The following ENSA variants were observed in gnomAD, a reference collection of about 807,000 sequenced individuals.
The protein encoded by ENSA is alpha-endosulfine.
Under a neutral mutation model 16.8 loss-of-function variants are expected in ENSA, and 7 were observed. That is an observed-to-expected ratio of 0.42 (90% CI 0.24 to 0.78). ENSA has a LOEUF of 0.78. Among genes scored for constraint, ENSA ranks in the 30% least tolerant of loss-of-function variants. The pLI, the probability that ENSA is intolerant of heterozygous loss-of-function variation, is 0.29. For synonymous variants in ENSA, 58 were observed against 53.4 expected (o/e 1.09, Z -0.37); for missense variants, 87 against 142.3 (o/e 0.61, Z 1.98).
At chr1:150,628,962 C>T in intron 1 of ENSA, 1 of 1,287,540 alleles carries the variant, frequency 7.8e-7, no homozygotes, top group Non-Finnish European at 1.1e-6. Context: ...TACACTTCTC[C>T]CCTCCCCCAA....
At chr1:150,625,339 G>A (rs1649224640) in intron 3 of ENSA, 22 of 1,075,352 alleles carry the variant, frequency 2.0e-5, no homozygotes, top group Non-Finnish European at 2.5e-5. Flanking sequence ...CCCAAAAGGA[G>A]AAATCACATC....
At chr1:150,627,721 C>T (rs1649449840) in intron 1 of ENSA, 129 bp from the exon 2 acceptor site, 2 of 970,886 alleles carry the variant, frequency 2.1e-6, no homozygotes, top group East Asian at 5.2e-5. Context: ...CTCTACTCTG[C>T]TGTTAAAGCT....
chr1:150,629,389 C>G (rs1263645389), intron 1 of ENSA, 25 bp downstream of exon 1: 2 of 1,608,452 alleles, frequency 1.2e-6, no homozygotes, highest in African/African-American at 1.3e-5. Context: ...CCCCAGCTCG[C>G]CCGCCCGCAC....
intron 1 of ENSA, chr1:150,628,858 TG>T (rs1649535278): frequency 1.7e-6 from 1 of 598,392 alleles, no homozygotes; most frequent in South Asian, 2.1e-5. Flanking sequence ...TCAATATTGC[TG>T]GGTCCTCACT....
In ENSA at chr1:150,629,447, CTCT is replaced by C. The variant is rs755805529; in HGVS notation, c.21_23del (p.Glu8del). ...CCTCGCCGGTCTCCTCCGCAGGGTT[CTCT>C]TCTTCTTGTTTCTGGGACATGGCGG... On this transcript the variant is annotated inframe_deletion, in exon 1 of 4. Transcript: ENST00000369014. The C allele has an allele frequency of 3.0e-5, 49 of 1,613,814 alleles. 1 individual carries two copies. The highest frequency in any genetic ancestry group is 1.1e-4 in the South Asian group (10 of 91,052).
At chr1:150,629,201 G>C in intron 1 of ENSA, 1 of 1,600,042 alleles carries the variant, frequency 6.2e-7, no homozygotes. Context: ...AGGCCTATTG[G>C]CCAATCAGGA....
chr1:150,623,709 G>C, intron 3 of ENSA: 1 of 985,760 alleles, frequency 1.0e-6, no homozygotes, highest in African/African-American at 1.7e-5. Flanking sequence ...ATACAATGGT[G>C]TTCAGCATTT....
chr1:150,624,897 C>T (rs1010696905), intron 3 of ENSA: 24 of 969,012 alleles, frequency 2.5e-5, no homozygotes, highest in Admixed American at 6.2e-5. Context: ...TATACAACAG[C>T]TCTGCTGGGA....
chr1:150,629,479 C>A lies in ENSA; in HGVS notation c.-9G>T, dbSNP rs376153418. 2.5e-6 allele frequency: 4 copies of A among 1,613,382 alleles called. No individual in the cohort carries two copies. In the South Asian group the frequency reaches 4.4e-5, roughly 18 times the overall value. ...TCTTGTTTCTGGGACATGGCGGGAC[C>A]GGGACTGTGGAGTGTAAGGGGCCCG... is the stretch of plus-strand genomic sequence containing the variant. On this transcript the variant is annotated 5_prime_UTR_variant, in exon 1 of 4. Transcript: ENST00000369014.
At chr1:150,623,607 G>T (rs1314260052) in intron 3 of ENSA, 9 of 984,094 alleles carry the variant, frequency 9.1e-6, no homozygotes, top group Non-Finnish European at 1.1e-5. Flanking sequence ...GAAGATCGGA[G>T]ATGAAGAAAA....
At chr1:150,625,518 C>G (rs1357134053) in intron 3 of ENSA, 124 bp downstream of exon 3, 1 of 1,423,394 alleles carries the variant, frequency 7.0e-7, no homozygotes, top group East Asian at 2.6e-5. Flanking sequence ...CAGCCCCCAG[C>G]AGAATCACAG....
intron 1 of ENSA, chr1:150,628,858 T>G: frequency 1.7e-6 from 1 of 598,510 alleles, no homozygotes; most frequent in Non-Finnish European, 3.0e-6. Flanking sequence ...TCAATATTGC[T>G]GGGTCCTCAC....
chr1:150,622,886 A>C, intron 3 of ENSA, 27 bp from the exon 4 acceptor site: 1 of 1,547,240 alleles, frequency 6.5e-7, no homozygotes. Context: ...AAGAAAAAAA[A>C]AAAAAACAAC....
chr1:150,623,479 C>T (rs1372321844), intron 3 of ENSA: 1 of 985,626 alleles, frequency 1.0e-6, no homozygotes, highest in Non-Finnish European at 1.2e-6. Context: ...TTCTGATTTC[C>T]CTGCTCCTCC....
chr1:150,626,024 T>C (rs1261328353), intron 2 of ENSA, among the ~76,000 whole-genome samples: 3 of 152,230 alleles, frequency 2.0e-5, no homozygotes, highest in Non-Finnish European at 4.4e-5. Flanking sequence ...ACATAAGCAA[T>C]TTCCCAGCTA....
intron 3 of ENSA, chr1:150,623,261 G>T: frequency 9.8e-7 from 1 of 1,020,402 alleles, no homozygotes. Flanking sequence ...GTGGAGGCCA[G>T]AACCAGACCA....
rs587767063 is a variant in ENSA at position 150,626,796 on chromosome 1, G to A, written c.183+671C>T. Reference sequence around the variant, plus strand: ...CCTGACCTCGTGCTCCGCCCGCCTCGGCCTCCCAAAGTGCTGGGATTACAG... The same window carrying A: ...CCTGACCTCGTGCTCCGCCCGCCTCAGCCTCCCAAAGTGCTGGGATTACAG... On this transcript the variant is annotated intron_variant, in intron 2 of 3. Transcript: ENST00000369014. 1.1e-4 allele frequency among the ~76,000 whole-genome samples: 16 copies of A among 152,178 alleles called. No individual in the cohort carries two copies. The East Asian group carries it at 1.4e-3, about 13-fold the overall frequency.
In ENSA at chr1:150,622,836, G is replaced by T; in HGVS notation, c.*8C>A. ...GCGTCTCAGGATCTGGCAGAGCCCC[G>T]GGCAGCATCATTCAACTTGGCCACT... is the stretch of plus-strand genomic sequence containing the variant. On this transcript the variant is annotated 3_prime_UTR_variant, in exon 4 of 4. Coordinates refer to ENST00000369014, the MANE Select transcript of ENSA (RefSeq NM_004436.4). 1 of 1,558,958 alleles carries T rather than the reference G, an allele frequency of 6.4e-7. No individual in the cohort carries two copies. Among genetic ancestry groups the T allele is most frequent in the East Asian group, 2.4e-5 (1 of 41,724 alleles).
At chr1:150,626,442 C>G (rs1348342688) in intron 2 of ENSA, 2 of 1,596,168 alleles carry the variant, frequency 1.3e-6, no homozygotes. Flanking sequence ...GACTAAGACT[C>G]AATAACTGGG....
Sources: gnomAD v4.1 joint callset for allele counts (sites outside exome capture counted in the v4.1 genomes callset) on GRCh38, gnomAD v4.1.1 for gene constraint, MANE v1.5 for transcripts, NCBI Gene and HGNC (gene_info 2026-07-23, HGNC 2026-07-21) for gene names.